The following TNC variants were observed in gnomAD, a reference collection of about 807,000 sequenced individuals.
TNC encodes the protein tenascin.
Under a neutral mutation model 202.4 loss-of-function variants are expected in TNC, and 109 were observed. The observed-to-expected ratio is 0.54, with a 90% CI of 0.46 to 0.63. TNC has a LOEUF of 0.63. Ranked by LOEUF, TNC falls within the 30% of genes least tolerant of loss-of-function variation. TNC has a pLI of 0.00. For synonymous variants in TNC, 1,007 were observed against 1,089.7 expected, an observed-to-expected ratio of 0.92 and a Z score of 1.50; for missense variants, 2,756 against 2,833.3, an observed-to-expected ratio of 0.97 and a Z score of 0.62.
At chr9:115,095,618 A>ATATATATG (rs1835699637) in intron 1 of TNC, among the ~76,000 whole-genome samples, 1 of 2,638 alleles carries the variant, frequency 3.8e-4, no homozygotes, top group African/African-American at 9.4e-4. Context: ...GTATATATGT[A>ATATATATG]TATATATATG....
At position 115,035,323 on chromosome 9, in the gene TNC, G is replaced by T; in HGVS notation, c.5668C>A (p.Pro1890Thr). ...ACCTCAGTAGCAGTCAAGTCTCTTG[G>T]AGAATCGAGGTCTGGAGAAGACAGG... ...TAKFTTDLDS[P>T]RDLTATEVQS... The change falls in exon 22 of 28, where the codon CCA becomes ACA. Residue 1890 changes from proline (P) to threonine (T), a missense_variant. By Grantham distance (38) the Pro-to-Thr change is conservative. Transcript: ENST00000350763. 1 of 1,611,806 alleles carries T rather than the reference G, an allele frequency of 6.2e-7. No individual in the cohort carries two copies.
chr9:115,103,316 A>AAT (rs1836372428), intron 1 of TNC, among the ~76,000 whole-genome samples: 3 of 152,258 alleles, frequency 2.0e-5, no homozygotes, highest in Non-Finnish European at 4.4e-5. Context: ...TGAAGGAAGC[A>AAT]TCCTGGGTTA....
At chr9:115,103,375 T>C (rs1300008248) in intron 1 of TNC, among the ~76,000 whole-genome samples, 1 of 152,262 alleles carries the variant, frequency 6.6e-6, no homozygotes, top group East Asian at 1.9e-4. Context: ...CATTTTGTTG[T>C]ACTGTTGTTA....
At chr9:115,070,298 C>T (rs1320532395) in intron 10 of TNC, among the ~76,000 whole-genome samples, 1 of 152,156 alleles carries the variant, frequency 6.6e-6, no homozygotes, top group Non-Finnish European at 1.5e-5. Flanking sequence ...AATGAGGGAG[C>T]ACGCTCTGTG....
At chr9:115,087,693 C>A (rs1432640723) in intron 2 of TNC, among the ~76,000 whole-genome samples, 2 of 49,158 alleles carry the variant, frequency 4.1e-5, no homozygotes, top group African/African-American at 1.1e-4. Flanking sequence ...CTATTTCTTT[C>A]TTTTCTTTTT....
At chr9:115,100,437 A>G (rs188720996) in intron 1 of TNC, among the ~76,000 whole-genome samples, 52 of 152,334 alleles carry the variant, frequency 3.4e-4, no homozygotes, top group Admixed American at 2.8e-3. Context: ...TAGAGGTAGT[A>G]TATCACATGA....
chr9:115,112,152 T>C (rs986149387), intron 1 of TNC, among the ~76,000 whole-genome samples: 1 of 152,216 alleles, frequency 6.6e-6, no homozygotes, highest in Non-Finnish European at 1.5e-5. Context: ...TCTAAAAGAA[T>C]GTCTTAATTC....
In TNC at chr9:115,021,182, AG is replaced by A; in HGVS notation, c.6580del (p.Glu2195LysfsTer45). ...MKLRPSNFRN[L>X]EGRRKRA The stretch of plus-strand genomic sequence containing the variant: ...TTATGCCCGTTTGCGCCTGCCTTCA[AG>A]ATTTCTGAAGTTGCTTGGTCTCAGC... On this transcript the variant is annotated frameshift_variant, in exon 28 of 28. Transcript: ENST00000350763. LOFTEE classifies it high-confidence loss of function. 6.2e-7 allele frequency: 1 copy of A among 1,613,902 alleles called. No individual in the cohort carries two copies. Among genetic ancestry groups the A allele is most frequent in the South Asian group, 1.1e-5 (1 of 91,076 alleles).
intron 20 of TNC, among the ~76,000 whole-genome samples, chr9:115,036,652 T>G (rs776397202): frequency 6.6e-6 from 1 of 152,170 alleles, no homozygotes; most frequent in African/African-American, 2.4e-5. Context: ...TGCCCTTTTA[T>G]AATTTACTAA....
At chr9:115,044,538 T>TA (rs1047143070) in intron 17 of TNC, among the ~76,000 whole-genome samples, 2 of 151,596 alleles carry the variant, frequency 1.3e-5, no homozygotes, top group African/African-American at 4.8e-5. Context: ...TTGTTGTTCT[T>TA]AAAAAAAATT....
At chr9:115,064,105 C>T (rs1015722815) in intron 11 of TNC, 37 bp from the exon 12 acceptor site, 5 of 1,547,496 alleles carry the variant, frequency 3.2e-6, no homozygotes, top group Non-Finnish European at 3.5e-6. Context: ...GTGATCAAAT[C>T]ACACAACAAG....
Position 115,026,635 on chromosome 9 carries a change from C to T in TNC, c.6230G>A (p.Arg2077Gln), listed in dbSNP as rs371541652. Residue 2077 changes from arginine (R) to glutamine (Q), a missense_variant, in exon 26 of 28, where the codon CGG (arginine) becomes CAG (glutamine). Around this residue, in one of 2 missense-constraint regions of TNC, gnomAD observed 197 missense variants for 287.3 expected, o/e 0.69. Transcript: ENST00000350763. ...AGCAAAGGCTGTCTCCCCATGGTCC[C>T]GCAGGTCCACCCGGAGCTCGTACTG... ...QGQYELRVDL[R>Q]DHGETAFAVY... The T allele has an allele frequency of 1.2e-4, 191 of 1,613,840 alleles. No homozygotes were observed. Among genetic ancestry groups the T allele is most frequent in the African/African-American group, 6.8e-4 (51 of 74,860 alleles).
rs1829855218 is a variant in TNC, at chr9:115,030,365, T to C, written c.5961A>G (p.Ala1987=). The C allele has an allele frequency of 6.2e-7, 1 of 1,614,028 alleles. No individual in the cohort carries two copies. The highest frequency in any genetic ancestry group is 8.5e-7 in the Non-Finnish European group (1 of 1,179,930). The change falls in exon 24 of 28, where the codon GCA becomes GCG. Residue 1987 remains alanine (A), a synonymous_variant. Coordinates refer to ENST00000350763, the MANE Select transcript of TNC (RefSeq NM_002160.4). The part of the protein sequence containing the change: ...LYPFPKDCSQ[A]MLNGDTTSGL... ...CAGAGGTCGTGTCTCCATTCAGCAT[T>C]GCTTGGGAGCAGTCCTTGGGGAAGG...
chr9:115,021,308 G>C, intron 27 of TNC, 41 bp from the exon 28 acceptor site: 5 of 1,424,702 alleles, frequency 3.5e-6, no homozygotes, highest in Non-Finnish European at 4.9e-6. Context: ...AGAGAGAGAA[G>C]GCCTCCAGGT....
intron 17 of TNC, 36 bp from the exon 18 acceptor site, chr9:115,042,377 A>C (rs566234939): frequency 6.2e-7 from 1 of 1,610,642 alleles, no homozygotes; most frequent in East Asian, 2.2e-5. Flanking sequence ...GCCCAGAAAC[A>C]GTTAACTGTC....
chr9:115,076,882 T>C (rs919600857), intron 7 of TNC, among the ~76,000 whole-genome samples: 3 of 152,216 alleles, frequency 2.0e-5, no homozygotes, highest in Admixed American at 1.3e-4. Flanking sequence ...TTTTGCATTT[T>C]CTCATCATAT....
intron 4 of TNC, 40 bp from the exon 5 acceptor site, chr9:115,082,847 G>T: frequency 1.4e-6 from 2 of 1,463,890 alleles, no homozygotes; most frequent in South Asian, 1.1e-5. Flanking sequence ...GGATAGGGCA[G>T]GTGTGTGATT....
chr9:115,045,546 T>G (rs1294696363), intron 17 of TNC, among the ~76,000 whole-genome samples: 3 of 140,572 alleles, frequency 2.1e-5, no homozygotes, highest in Non-Finnish European at 4.6e-5. Context: ...TTTTGATTTT[T>G]TTTTTTTTTT....
intron 10 of TNC, 42 bp from the exon 11 acceptor site, chr9:115,064,961 G>C: frequency 6.3e-7 from 1 of 1,584,664 alleles, no homozygotes; most frequent in East Asian, 2.2e-5. Flanking sequence ...CTATTCCTCA[G>C]AAAGTTTTGC....
Sources: allele counts gnomAD v4.1 joint callset (sites outside exome capture counted in the v4.1 genomes callset), GRCh38; gene constraint gnomAD v4.1.1; regional missense constraint gnomAD v4.1.1; transcripts MANE v1.5; gene names NCBI Gene and HGNC (gene_info 2026-07-23, HGNC 2026-07-21).